Variants in TNS3 observed in about 807,000 individuals in gnomAD.
TNS3 encodes the protein tensin-3.
A neutral mutation model predicts 140.9 loss-of-function variants in TNS3; 45 were observed. That is an observed-to-expected ratio of 0.32 (90% CI 0.25 to 0.41). TNS3 has a LOEUF of 0.41. TNS3 is among the 10% of genes least tolerant of loss of function. The pLI, the probability that TNS3 is intolerant of heterozygous loss-of-function variation, is 1.00. For synonymous variants in TNS3, 815 were observed against 788.4 expected, an observed-to-expected ratio of 1.03 and a Z score of -0.56; for missense variants, 1,716 against 1,906.7, an observed-to-expected ratio of 0.90 and a Z score of 1.86.
chr7:47,426,636 C>T (rs1025867823), intron 9 of TNS3, among the ~76,000 whole-genome samples: 9 of 152,102 alleles, frequency 5.9e-5, no homozygotes, highest in African/African-American at 2.2e-4. Flanking sequence ...GATGCTGAGG[C>T]TTAGAGAGAT....
chr7:47,413,965 T>C lies in TNS3; in HGVS notation c.619A>G (p.Met207Val). The change falls in exon 12 of 31, where the codon ATG becomes GTG. Residue 207 changes from methionine to valine, a missense_variant. Around this residue, in one of 3 missense-constraint regions of TNS3, gnomAD observed 337 missense variants for 428.9 expected, o/e 0.79. Transcript: ENST00000311160. ...CRPFLKLYQA[M>V]QPVYTSGIYN... ...ATCCCGGAGGTGTACACAGGCTGCA[T>C]GGCTTGGTAGAGCTTCAGAAAGGGC... The C allele has an allele frequency of 6.2e-7, 1 of 1,613,736 alleles. No homozygotes were observed. The highest frequency in any genetic ancestry group is 8.5e-7 in the Non-Finnish European group (1 of 1,179,956).
chr7:47,429,454 G>A (rs1015134785), intron 8 of TNS3, among the ~76,000 whole-genome samples: 4 of 152,010 alleles, frequency 2.6e-5, no homozygotes, highest in Admixed American at 6.5e-5. Flanking sequence ...TGTAAGCTCC[G>A]CCTCCCGGGT....
At chr7:47,464,483 GC>G (rs1389989213) in intron 4 of TNS3, among the ~76,000 whole-genome samples, 1 of 152,050 alleles carries the variant, frequency 6.6e-6, no homozygotes, top group Non-Finnish European at 1.5e-5. Context: ...GCTCAAGGTG[GC>G]CCCGGGTGGC....
chr7:47,530,101 G>T (rs1016482422), intron 1 of TNS3, among the ~76,000 whole-genome samples: 5 of 152,144 alleles, frequency 3.3e-5, no homozygotes, highest in Non-Finnish European at 7.4e-5. Flanking sequence ...ACAAGAGAAA[G>T]AAAGGTCATA....
rs139857902 is a variant in TNS3, at chr7:47,519,259, C to T, written c.-153+9777G>A. 5.7e-4 allele frequency among the ~76,000 whole-genome samples: 79 copies of T among 137,994 alleles called. No homozygotes were observed. The East Asian group carries it at 0.014, about 25-fold the overall frequency. 90.5% of individuals were successfully genotyped at this position (137,994 alleles called of 152,430 possible). A position where few individuals can be genotyped will look rare whatever the true frequency, so the allele number is the denominator to read the frequency against. ...CTGCCCCCCATTTAAGATATCCCCCCCCAACACAAGGCACGGGTGCAAAGG... is the reference window on the plus strand; with the variant it reads ...CTGCCCCCCATTTAAGATATCCCCCTCCAACACAAGGCACGGGTGCAAAGG... On this transcript the variant is annotated intron_variant, in intron 2 of 30. Coordinates refer to ENST00000311160, the MANE Select transcript of TNS3 (RefSeq NM_022748.12).
intron 4 of TNS3, among the ~76,000 whole-genome samples, chr7:47,465,196 C>T (rs1211396005): frequency 1.3e-5 from 2 of 152,216 alleles, no homozygotes; most frequent in Non-Finnish European, 2.9e-5. Flanking sequence ...TGTTGACAAA[C>T]TCAGTGGGTT....
chr7:47,309,226 G>A (rs528614685), intron 20 of TNS3, among the ~76,000 whole-genome samples: 1 of 152,264 alleles, frequency 6.6e-6, no homozygotes, highest in Admixed American at 6.5e-5. Context: ...AATAAATCAA[G>A]TCTCTGTTAC....
chr7:47,546,864 A>G (rs1424704436), intron 1 of TNS3, among the ~76,000 whole-genome samples: 1 of 152,200 alleles, frequency 6.6e-6, no homozygotes, highest in Non-Finnish European at 1.5e-5. Flanking sequence ...CCGCCTGGTA[A>G]GACACGGCTG....
At chr7:47,552,228 G>A (rs1305412564) in intron 1 of TNS3, among the ~76,000 whole-genome samples, 1 of 152,056 alleles carries the variant, frequency 6.6e-6, no homozygotes, top group Non-Finnish European at 1.5e-5. Context: ...CAGTAATCTT[G>A]CCAAGCCAGG....
At chr7:47,536,484 T>C (rs1023561698) in intron 1 of TNS3, among the ~76,000 whole-genome samples, 14 of 152,178 alleles carry the variant, frequency 9.2e-5, no homozygotes, top group Admixed American at 9.2e-4. Flanking sequence ...GATTCCTACA[T>C]CCCAGCGCAT....
At chr7:47,302,316 T>C in intron 22 of TNS3, 44 bp from the exon 23 acceptor site, 1 of 1,494,554 alleles carries the variant, frequency 6.7e-7, no homozygotes, top group South Asian at 1.1e-5. Context: ...TGGGCACTTT[T>C]CTTCTTGCAA....
At chr7:47,389,527 G>C (rs1177260368) in intron 16 of TNS3, among the ~76,000 whole-genome samples, 1 of 152,214 alleles carries the variant, frequency 6.6e-6, no homozygotes, top group Non-Finnish European at 1.5e-5. Flanking sequence ...ATTCCTGTCG[G>C]ATTCGAAAAG....
chr7:47,439,543 G>A lies in TNS3; in HGVS notation c.94C>T (p.His32Tyr), dbSNP rs1386567784. 1.2e-6 allele frequency: 2 copies of A among 1,613,960 alleles called. No individual in the cohort carries two copies. Among genetic ancestry groups the A allele is most frequent in the South Asian group, 1.1e-5 (1 of 91,050 alleles). The change falls in exon 6 of 31, where the codon CAC becomes TAC. Residue 32 changes from histidine (H) to tyrosine (Y), a missense_variant. His to Tyr is a moderately conservative substitution (Grantham distance 83). Transcript: ENST00000311160. ...ATGCGCGTGACCTCCTGTAGGTTGTGCAGGTAGGACTCCTCAGAGCAGCCG... is the reference window on the plus strand; with the variant it reads ...ATGCGCGTGACCTCCTGTAGGTTGTACAGGTAGGACTCCTCAGAGCAGCCG... Reference protein sequence around the residue: ...PAGCSEESYLHNLQEVTRMLK... With the variant: ...PAGCSEESYLYNLQEVTRMLK...
At chr7:47,446,732 G>GGCT (rs1373194481) in intron 4 of TNS3, among the ~76,000 whole-genome samples, 1 of 128,740 alleles carries the variant, frequency 7.8e-6, no homozygotes, top group Non-Finnish European at 1.6e-5. Context: ...CTGTCGCCCA[G>GGCT]GCTGGAGTGC....
intron 9 of TNS3, among the ~76,000 whole-genome samples, chr7:47,425,037 G>A (rs945628450): frequency 1.3e-5 from 2 of 152,180 alleles, no homozygotes; most frequent in Non-Finnish European, 1.5e-5. Context: ...AACCCTGATA[G>A]GCTGGGTGCG....
At chr7:47,551,575 T>G (rs961821515) in intron 1 of TNS3, among the ~76,000 whole-genome samples, 1 of 152,218 alleles carries the variant, frequency 6.6e-6, no homozygotes, top group Non-Finnish European at 1.5e-5. Context: ...AATTCATGCC[T>G]TGGGGAGCAC....
At chr7:47,309,855 TA>T (rs994116585) in intron 20 of TNS3, among the ~76,000 whole-genome samples, 1 of 152,220 alleles carries the variant, frequency 6.6e-6, no homozygotes, top group African/African-American at 2.4e-5. Context: ...GTGCAGGAGT[TA>T]AACTTCCACT....
At chr7:47,403,312 G>A (rs1793263235) in intron 13 of TNS3, 1 of 152,302 alleles carries the variant, frequency 6.6e-6, no homozygotes, top group South Asian at 2.1e-4. Flanking sequence ...GAGGTACAGA[G>A]TGGCAGGAGA....
In TNS3 at chr7:47,368,321, TG is replaced by T. The variant is rs758063990; in HGVS notation, c.2281+43del. The T allele has an allele frequency of 5.6e-6, 8 of 1,436,130 alleles. No homozygotes were observed. In the African/African-American group the frequency reaches 1.2e-4, roughly 21 times the overall value. 89.0% of individuals were successfully genotyped at this position (1,436,130 alleles called of 1,614,324 possible). ...TTTCTCATCACACATTAGCCTCCCG[TG>T]GAGCACCTCCCGTGGAGCACCTCCC... On this transcript the variant is annotated intron_variant, in intron 17 of 30. Coordinates refer to ENST00000311160, the MANE Select transcript of TNS3 (RefSeq NM_022748.12).
Sources: allele counts gnomAD v4.1 joint callset (sites outside exome capture counted in the v4.1 genomes callset), GRCh38; gene constraint gnomAD v4.1.1; regional missense constraint gnomAD v4.1.1; transcripts MANE v1.5; gene names NCBI Gene and HGNC (gene_info 2026-07-23, HGNC 2026-07-21).